The following TAF9 variants were observed in gnomAD, a reference collection of about 807,000 sequenced individuals.
The protein encoded by TAF9 is transcription initiation factor TFIID subunit 9.
TAF9 carries 10 observed loss-of-function variants against 16.5 expected under a neutral mutation model. The ratio of observed to expected loss-of-function variants is 0.61; its 90% CI spans 0.37 to 1.03. The LOEUF (loss-of-function observed/expected upper bound fraction) is 1.03, where lower values mean the gene tolerates loss of function less well. Ranked by LOEUF, TAF9 falls within the 50% of genes least tolerant of loss-of-function variation. The pLI, the probability that TAF9 is intolerant of heterozygous loss-of-function variation, is 0.01. For missense variants in TAF9, 288 were observed against 319.1 expected (o/e 0.90, Z 0.74); for synonymous variants, 105 against 120.5 (o/e 0.87, Z 0.84).
chr5:69,365,560 G>A lies in TAF9; in HGVS notation c.178C>T (p.His60Tyr). 6.8e-6 allele frequency: 11 copies of A among 1,613,968 alleles called. No homozygotes were observed. The highest frequency in any genetic ancestry group is 9.3e-6 in the Non-Finnish European group (11 of 1,179,962). The change falls in exon 3 of 3, where the codon CAT becomes TAT. Residue 60 changes from histidine to tyrosine, a missense_variant. Transcript: ENST00000217893. Reference protein sequence around the residue: ...ILDDAKIYSSHAKKATVDADD... With the variant: ...ILDDAKIYSSYAKKATVDADD... ...GCATCAACAGTAGCTTTCTTAGCAT[G>A]GCTTGAATAAATTTTTGCATCATCT...
intron 1 of TAF9, among the ~76,000 whole-genome samples, chr5:69,367,454 G>A (rs1418732777): frequency 6.9e-6 from 1 of 145,886 alleles, no homozygotes; most frequent in African/African-American, 2.5e-5. Flanking sequence ...AGGATGCAGT[G>A]AGCCAAGATC....
chr5:69,366,039 T>C (rs4252230), intron 2 of TAF9, among the ~76,000 whole-genome samples: 3 of 152,124 alleles, frequency 2.0e-5, no homozygotes, highest in Non-Finnish European at 2.9e-5. Context: ...ATAAAAACAA[T>C]GATCATCTTA....
chr5:69,364,957 AGTCATCATCATCATCATC>A lies in TAF9; in HGVS notation c.763_780del (p.Asp255_Asp260del), dbSNP rs772937923. On this transcript the variant is annotated inframe_deletion, in exon 3 of 3. Transcript: ENST00000217893. ...GCAAGGCTAGATTACAGATTATCATAGTCATCATCATCATCATCGTCATCATCATCATCTTCACGTTTT... is the reference window on the plus strand; with the variant it reads ...GCAAGGCTAGATTACAGATTATCATAGTCATCATCATCATCTTCACGTTTT... 2.5e-6 allele frequency: 4 copies of A among 1,611,020 alleles called. No homozygotes were observed. The highest frequency in any genetic ancestry group is 1.1e-5 in the South Asian group (1 of 90,718).
At chr5:69,369,223 T>TCCCCCCCCCCC in intron 1 of TAF9, 3 of 277,858 alleles carry the variant, frequency 1.1e-5, no homozygotes, top group Non-Finnish European at 6.5e-6. Flanking sequence ...CCGACCTCTC[T>TCCCCCCCCCCC]CCACCCCCCC....
In TAF9 at chr5:69,367,387, G is replaced by A. The variant is rs1207080636; in HGVS notation, c.-110-792C>T. Reference sequence around the variant, plus strand: ...TAGCCGGGCGTGGTGGCGCGTGCCTGTAATCCCAGCTACTCAGGAGGCTGA... The same window carrying A: ...TAGCCGGGCGTGGTGGCGCGTGCCTATAATCCCAGCTACTCAGGAGGCTGA... On this transcript the variant is annotated intron_variant, in intron 1 of 2. Transcript: ENST00000217893. Among the ~76,000 whole-genome samples, 10 of 151,198 alleles carry A rather than the reference G, an allele frequency of 6.6e-5. No homozygotes were observed. The South Asian group carries it at 1.7e-3, about 25-fold the overall frequency.
upstream of TAF9, chr5:69,369,621 C>G (rs771075533): frequency 1.3e-6 from 2 of 1,572,632 alleles, no homozygotes; most frequent in Non-Finnish European, 1.7e-6. Flanking sequence ...GCGCCCCTAG[C>G]CTGCCCCGGC....
At chr5:69,367,764 C>T (rs1490198005) in intron 1 of TAF9, 1 of 152,096 alleles carries the variant, frequency 6.6e-6, no homozygotes, top group East Asian at 2.0e-4. Flanking sequence ...AGGCTAAGCT[C>T]AAACTCCTGA....
chr5:69,369,173 G>A lies in TAF9; in HGVS notation c.-111+290C>T, dbSNP rs2150748294. The A allele has an allele frequency of 6.1e-6, 3 of 490,082 alleles. No homozygotes were observed. The South Asian group carries it at 1.0e-4, about 17-fold the overall frequency. 30.4% of individuals were successfully genotyped at this position (490,082 alleles called of 1,614,324 possible). On this transcript the variant is annotated intron_variant, in intron 1 of 2. Coordinates refer to ENST00000217893, the MANE Select transcript of TAF9 (RefSeq NM_003187.5). Reference sequence around the variant, plus strand: ...TTTTACAAACGAAATACCAGATTCAGAAAGACTAAGCAGGTTGCCAAGCTG... The same window carrying A: ...TTTTACAAACGAAATACCAGATTCAAAAAGACTAAGCAGGTTGCCAAGCTG...
Position 69,365,744 on chromosome 5 carries a change from C to T in TAF9, c.-7G>A, listed in dbSNP as rs768019304. 2.4e-5 allele frequency: 37 copies of T among 1,523,092 alleles called. No homozygotes were observed. In the East Asian group the frequency reaches 5.2e-4, roughly 21 times the overall value. The allele number at this position is 1,523,092 out of a possible 1,614,324, so 94.3% of individuals were successfully genotyped here. On this transcript the variant is annotated 5_prime_UTR_variant, in exon 3 of 3. Transcript: ENST00000217893. ...CCGTCTTGCCAGACTCCATGATATC[C>T]GATGATCAGACTTTAGATCATTTGA... is the stretch of plus-strand genomic sequence containing the variant.
At chr5:69,368,831 T>C (rs1324955555) in intron 1 of TAF9, 2 of 152,222 alleles carry the variant, frequency 1.3e-5, no homozygotes, top group Non-Finnish European at 2.9e-5. Context: ...GCACCCTGAG[T>C]ATGGCTTCAA....
rs1251981714 is a variant in TAF9, at chr5:69,369,487, A to T, written c.-135T>A. On this transcript the variant is annotated 5_prime_UTR_variant, in exon 1 of 3. In the 5' UTR this introduces an upstream ATG that the reference lacks. Coordinates refer to ENST00000217893, the MANE Select transcript of TAF9 (RefSeq NM_003187.5). ...CCGGTGAGCAGGATGTTCGGAAGCA[A>T]CATGGTCCCCGCCGCGACGGCTTCG... The T allele has an allele frequency of 1.2e-6, 2 of 1,611,274 alleles. No individual in the cohort carries two copies. The highest frequency in any genetic ancestry group is 1.7e-6 in the Non-Finnish European group (2 of 1,179,310).
In TAF9 at chr5:69,365,590, T is replaced by C; in HGVS notation, c.148A>G (p.Ile50Val). 1.2e-6 allele frequency: 2 copies of C among 1,614,164 alleles called. No individual in the cohort carries two copies. Among genetic ancestry groups the C allele is most frequent in the East Asian group, 2.2e-5 (1 of 44,886 alleles). ...LEFAFRYVTTILDDAKIYSSH... is the reference protein window; with the variant it reads ...LEFAFRYVTTVLDDAKIYSSH... ...GAATAAATTTTTGCATCATCTAGAA[T>C]TGTGGTCACATATCGGAAGGCAAAC... Residue 50 changes from isoleucine to valine, a missense_variant, in exon 3 of 3, where the codon ATT becomes GTT. Transcript: ENST00000217893.
At position 69,365,236 on chromosome 5, in the gene TAF9, G is replaced by C; in HGVS notation, c.502C>G (p.Gln168Glu). Residue 168 changes from glutamine (Q) to glutamate (E), a missense_variant, in exon 3 of 3, where the codon CAG becomes GAG. Transcript: ENST00000217893. ...STPTLGTPTP[Q>E]TMSVSTKVGT... is the part of the protein sequence containing the mutation. ...ACTTTAGTTGAAACAGACATGGTCTGTGGGGTTGGTGTGCCTAGTGTGGGA... is the reference window on the plus strand; with the variant it reads ...ACTTTAGTTGAAACAGACATGGTCTCTGGGGTTGGTGTGCCTAGTGTGGGA... The C allele has an allele frequency of 6.2e-7, 1 of 1,614,230 alleles. No homozygotes were observed. The highest frequency in any genetic ancestry group is 8.5e-7 in the Non-Finnish European group (1 of 1,180,036).
chr5:69,366,502 C>T lies in TAF9; in HGVS notation c.-18+1G>A, dbSNP rs771434861. 6.2e-7 allele frequency: 1 copy of T among 1,612,130 alleles called. No individual in the cohort carries two copies. Among genetic ancestry groups the T allele is most frequent in the Non-Finnish European group, 8.5e-7 (1 of 1,178,542 alleles). ...AAATCTAACACCAAAGTGTCCCTTA[C>T]CTTCTCGAGCTAAATCACCCACATT... On this transcript the variant is annotated splice_donor_variant, in intron 2 of 2. Transcript: ENST00000217893. LOFTEE classifies it low-confidence loss of function (5UTR_SPLICE).
Position 69,365,058 on chromosome 5 carries a change from G to T in TAF9, c.680C>A (p.Thr227Asn). The change falls in exon 3 of 3, where the codon ACC becomes AAC. Residue 227 changes from threonine to asparagine, a missense_variant. By Grantham distance (65) the Thr-to-Asn change is moderately conservative. Transcript: ENST00000217893. ...SLIGSKNILI[T>N]TNMMSSQNTA... ...ATTTTGTGATGACATCATATTAGTG[G>T]TAATAAGAATGTTTTTGGACCCGAT... 6.2e-7 allele frequency: 1 copy of T among 1,613,974 alleles called. No homozygotes were observed. Among genetic ancestry groups the T allele is most frequent in the Non-Finnish European group, 8.5e-7 (1 of 1,179,854 alleles).
At chr5:69,369,804 G>A, upstream of TAF9, 10 of 1,224,910 alleles carry the variant, frequency 8.2e-6, no homozygotes, top group Non-Finnish European at 1.1e-5. Flanking sequence ...AGTCTGGAAG[G>A]TCCCCGGGAG....
Position 69,366,552 on chromosome 5 carries a change from C to A in TAF9, c.-67G>T, listed in dbSNP as rs77238909. On this transcript the variant is annotated 5_prime_UTR_variant, in exon 2 of 3. Coordinates refer to ENST00000217893, the MANE Select transcript of TAF9 (RefSeq NM_003187.5). ...TAATGTATTTCAGTCCTGATTTTGACGCAAGTTCTTTGCCTAGTGTGGTTT... is the reference window on the plus strand; with the variant it reads ...TAATGTATTTCAGTCCTGATTTTGAAGCAAGTTCTTTGCCTAGTGTGGTTT... The A allele has an allele frequency of 6.2e-7, 1 of 1,613,980 alleles. No homozygotes were observed. Among genetic ancestry groups the A allele is most frequent in the East Asian group, 2.2e-5 (1 of 44,874 alleles).
intron 2 of TAF9, among the ~76,000 whole-genome samples, chr5:69,366,135 C>G (rs892097540): frequency 1.3e-5 from 2 of 152,226 alleles, no homozygotes; most frequent in African/African-American, 4.8e-5. Flanking sequence ...AAAACAGTCT[C>G]TTTCCAGTGA....
In TAF9 at chr5:69,364,967, A is replaced by ATCATCATCG; in HGVS notation, c.762_770dup (p.Asp258_Asp260dup). On this transcript the variant is annotated inframe_insertion, in exon 3 of 3. Coordinates refer to ENST00000217893, the MANE Select transcript of TAF9 (RefSeq NM_003187.5). ...ATTACAGATTATCATAGTCATCATC[A>ATCATCATCG]TCATCATCGTCATCATCATCATCTT... 6.2e-7 allele frequency: 1 copy of ATCATCATCG among 1,612,616 alleles called. No individual in the cohort carries two copies. Among genetic ancestry groups the ATCATCATCG allele is most frequent in the Non-Finnish European group, 8.5e-7 (1 of 1,179,404 alleles).
Sources: allele counts gnomAD v4.1 joint callset (sites outside exome capture counted in the v4.1 genomes callset), GRCh38; gene constraint gnomAD v4.1.1; transcripts MANE v1.5; gene names NCBI Gene and HGNC (gene_info 2026-07-23, HGNC 2026-07-21).